CCDC146: variants seen among roughly 807,000 people sequenced by gnomAD.
CCDC146 encodes the protein coiled-coil domain containing 146, also known as coiled-coil domain-containing protein 146.
CCDC146 carries 92 observed loss-of-function variants against 119.3 expected under a neutral mutation model. The observed-to-expected ratio is 0.77, with a 90% CI of 0.65 to 0.92. The LOEUF (loss-of-function observed/expected upper bound fraction) is 0.92, where lower values mean the gene tolerates loss of function less well. Among genes scored for constraint, CCDC146 ranks in the 40% least tolerant of loss-of-function variants. The pLI, the probability that CCDC146 is intolerant of heterozygous loss-of-function variation, is 0.00. For missense variants in CCDC146, 1,000 were observed against 1,103.0 expected (o/e 0.91, Z 1.32); for synonymous variants, 372 against 371.8 (o/e 1.00, Z -0.01).
At chr7:77,280,964 G>C (rs904963756) in intron 14 of CCDC146, among the ~76,000 whole-genome samples, 50 of 152,254 alleles carry the variant, frequency 3.3e-4, no homozygotes, top group African/African-American at 1.2e-3. Context: ...TTAGCCAGGT[G>C]TGGTGGTGGG....
intron 7 of CCDC146, 44 bp from the exon 8 acceptor site, chr7:77,259,964 GT>G: frequency 2.3e-6 from 1 of 438,252 alleles, no homozygotes; most frequent in Non-Finnish European, 3.9e-6. Context: ...GTGTGTGTGT[GT>G]GTGTGTGTGT....
At chr7:77,149,498 G>A (rs1419431409) in intron 1 of CCDC146, among the ~76,000 whole-genome samples, 1 of 152,126 alleles carries the variant, frequency 6.6e-6, no homozygotes, top group Admixed American at 6.5e-5. Flanking sequence ...GGGTGCAGTG[G>A]CTCATGTCTG....
chr7:77,168,407 T>C (rs1791370720), intron 2 of CCDC146, among the ~76,000 whole-genome samples: 2 of 151,918 alleles, frequency 1.3e-5, no homozygotes, highest in African/African-American at 4.8e-5. Context: ...TACCTTGTCA[T>C]GCCTGAGAGC....
At chr7:77,265,450 A>G (rs1382254960) in intron 9 of CCDC146, among the ~76,000 whole-genome samples, 2 of 152,214 alleles carry the variant, frequency 1.3e-5, no homozygotes, top group African/African-American at 4.8e-5. Flanking sequence ...CTTAATATTG[A>G]AGAGTAAGGT....
chr7:77,290,910 G>A (rs1030290429), intron 17 of CCDC146, among the ~76,000 whole-genome samples: 2 of 152,188 alleles, frequency 1.3e-5, no homozygotes, highest in African/African-American at 4.8e-5. Context: ...CAGCATTAGT[G>A]TAGTATTTGG....
chr7:77,148,656 A>T (rs1791061035), intron 1 of CCDC146, among the ~76,000 whole-genome samples: 1 of 152,264 alleles, frequency 6.6e-6, no homozygotes, highest in Middle Eastern at 3.4e-3. Flanking sequence ...TCAATGTGCA[A>T]AAATCACAAG....
chr7:77,141,540 G>T (rs1790933720), intron 1 of CCDC146, among the ~76,000 whole-genome samples: 1 of 152,188 alleles, frequency 6.6e-6, no homozygotes, highest in African/African-American at 2.4e-5. Flanking sequence ...CACCAACACA[G>T]TAAAAGCGTT....
intron 2 of CCDC146, among the ~76,000 whole-genome samples, chr7:77,230,013 C>T (rs777206765): frequency 3.3e-5 from 5 of 152,316 alleles, no homozygotes; most frequent in Middle Eastern, 3.4e-3. Context: ...AAGATCTGCC[C>T]ACTCTGGATA....
chr7:77,287,362 T>C (rs1246758942), intron 16 of CCDC146, 78 bp from the exon 17 acceptor site: 11 of 1,474,136 alleles, frequency 7.5e-6, no homozygotes, highest in East Asian at 2.3e-5. Flanking sequence ...TAGGGGGAGA[T>C]ACTGCTCTAA....
chr7:77,257,899 C>T (rs57699570), intron 6 of CCDC146: 14,211 of 152,236 alleles, frequency 0.093, 1,228 homozygotes, highest in East Asian at 0.42. Flanking sequence ...CTTGGCCTTG[C>T]CACTTACTAG....
intron 4 of CCDC146, among the ~76,000 whole-genome samples, chr7:77,250,973 TTGTGTGTGTGTGTGTGTGTGTGTGTGTG>T (rs58026945): frequency 7.0e-5 from 8 of 114,648 alleles, no homozygotes; most frequent in African/African-American, 2.6e-4. Flanking sequence ...TCTCTGGTAT[TTGTGTGTGTGTGTGTGTGTGTGTGTGTG>T]TGTGTGTGTG....
chr7:77,152,601 A>G (rs1791122888), intron 1 of CCDC146, among the ~76,000 whole-genome samples: 2 of 152,186 alleles, frequency 1.3e-5, no homozygotes, highest in Non-Finnish European at 2.9e-5. Flanking sequence ...CCAATAGCCA[A>G]TGTCCTATAC....
At chr7:77,189,554 G>A (rs1048434305) in intron 2 of CCDC146, among the ~76,000 whole-genome samples, 16 of 151,970 alleles carry the variant, frequency 1.1e-4, no homozygotes, top group African/African-American at 3.6e-4. Flanking sequence ...AAACCCTTAC[G>A]GCTCTTATCT....
chr7:77,224,622 T>C (rs866188676), intron 2 of CCDC146, among the ~76,000 whole-genome samples: 39 of 152,292 alleles, frequency 2.6e-4, no homozygotes, highest in African/African-American at 8.9e-4. Context: ...ACAGGAATTG[T>C]AGTTGCTATT....
intron 1 of CCDC146, among the ~76,000 whole-genome samples, chr7:77,161,265 G>A (rs1791257121): frequency 1.3e-5 from 2 of 152,108 alleles, no homozygotes; most frequent in African/African-American, 4.8e-5. Flanking sequence ...AATACCATTT[G>A]ACCCAGCCAT....
chr7:77,274,742 GC>G, intron 11 of CCDC146, 90 bp downstream of exon 11: 1 of 998,200 alleles, frequency 1.0e-6, no homozygotes, highest in African/African-American at 1.6e-5. Flanking sequence ...CATGGATGAA[GC>G]TAGAAACCAT....
chr7:77,199,541 G>A (rs751809806), intron 2 of CCDC146: 4 of 1,614,110 alleles, frequency 2.5e-6, no homozygotes, highest in South Asian at 1.1e-5. Context: ...ATTTCCTTGA[G>A]GTTTTGGACT....
intron 1 of CCDC146, among the ~76,000 whole-genome samples, chr7:77,131,989 C>T (rs867123453): frequency 2.0e-5 from 3 of 152,218 alleles, no homozygotes; most frequent in Non-Finnish European, 4.4e-5. Context: ...GTCATGGTAA[C>T]TTGCGTACAA....
At chr7:77,288,394 C>A (rs1181909549) in intron 17 of CCDC146, among the ~76,000 whole-genome samples, 1 of 152,228 alleles carries the variant, frequency 6.6e-6, no homozygotes, top group Non-Finnish European at 1.5e-5. Context: ...CAGGTCTTGC[C>A]AGGCTTCCTG....
Sources: gnomAD v4.1 joint callset for allele counts (sites outside exome capture counted in the v4.1 genomes callset) on GRCh38, gnomAD v4.1.1 for gene constraint, MANE v1.5 for transcripts, NCBI Gene and HGNC (gene_info 2026-07-23, HGNC 2026-07-21) for gene names.